Variants in CACNA2D4 observed in about 807,000 individuals in gnomAD.
The protein encoded by CACNA2D4 is calcium voltage-gated channel auxiliary subunit alpha2delta 4, also known as voltage-dependent calcium channel subunit alpha-2/delta-4.
A neutral mutation model predicts 163.8 loss-of-function variants in CACNA2D4; 157 were observed. The ratio of observed to expected loss-of-function variants is 0.96; its 90% CI spans 0.84 to 1.09. CACNA2D4 has a LOEUF of 1.09. CACNA2D4 is among the 50% of genes least tolerant of loss of function. CACNA2D4 has a pLI of 0.00. For synonymous variants in CACNA2D4, 598 were observed against 586.9 expected, an observed-to-expected ratio of 1.02 and a Z score of -0.27; for missense variants, 1,410 against 1,479.9, an observed-to-expected ratio of 0.95 and a Z score of 0.78.
At chr12:1,847,145 A>ACACCCACCCCACTGCG in intron 23 of CACNA2D4, among the ~76,000 whole-genome samples, 1 of 152,274 alleles carries the variant, frequency 6.6e-6, no homozygotes, top group Non-Finnish European at 1.5e-5. Flanking sequence ...CAGGCACTGC[A>ACACCCACCCCACTGCG]TACACCCACC....
chr12:1,907,703 G>A (rs1592749216), intron 5 of CACNA2D4, 132 bp from the exon 6 acceptor site: 1 of 1,170,474 alleles, frequency 8.5e-7, no homozygotes, highest in African/African-American at 1.5e-5. Flanking sequence ...TGTGCCTGGT[G>A]GGCGTGTCTG....
intron 26 of CACNA2D4, chr12:1,830,872 G>C: frequency 1.5e-6 from 2 of 1,351,922 alleles, no homozygotes; most frequent in East Asian, 2.5e-5. Context: ...AAGGAGGGAA[G>C]AGAAGCAGGA....
At chr12:1,907,760 G>A in intron 5 of CACNA2D4, 115 bp downstream of exon 5, 1 of 1,351,202 alleles carries the variant, frequency 7.4e-7, no homozygotes, top group African/African-American at 1.4e-5. Context: ...TGGTGGGTGT[G>A]TCTGGTGGGC....
intron 26 of CACNA2D4, among the ~76,000 whole-genome samples, chr12:1,818,245 C>A (rs914344600): frequency 6.6e-6 from 1 of 151,664 alleles, no homozygotes; most frequent in Non-Finnish European, 1.5e-5. Flanking sequence ...CCCCTCTGCC[C>A]GGCCACCACC....
chr12:1,795,580 C>G (rs1863094797), intron 36 of CACNA2D4, 88 bp downstream of exon 36: 2 of 1,011,186 alleles, frequency 2.0e-6, no homozygotes, highest in Middle Eastern at 3.0e-4. Flanking sequence ...GTGAAGGAGG[C>G]TGGCCCCGCT....
intron 26 of CACNA2D4, among the ~76,000 whole-genome samples, chr12:1,824,869 C>A (rs1384080992): frequency 6.6e-6 from 1 of 152,168 alleles, no homozygotes; most frequent in Non-Finnish European, 1.5e-5. Flanking sequence ...TGGTGCCACA[C>A]ACATATGACT....
chr12:1,880,029 G>A (rs2154449484), intron 13 of CACNA2D4, 148 bp from the exon 14 acceptor site: 3 of 584,382 alleles, frequency 5.1e-6, no homozygotes, highest in Middle Eastern at 4.7e-4. Flanking sequence ...TCCCAAATGA[G>A]GATTCCCTTC....
At chr12:1,864,783 A>ACACG (rs1192730954) in intron 18 of CACNA2D4, among the ~76,000 whole-genome samples, 1 of 152,236 alleles carries the variant, frequency 6.6e-6, no homozygotes, top group African/African-American at 2.4e-5. Flanking sequence ...CGTGCCGCGG[A>ACACG]CACGCTCCGC....
chr12:1,858,892 GC>G (rs1367489733), intron 19 of CACNA2D4, among the ~76,000 whole-genome samples: 2 of 152,092 alleles, frequency 1.3e-5, no homozygotes, highest in African/African-American at 4.8e-5. Context: ...TAGACCAAGA[GC>G]CCTCTCAGCT....
At chr12:1,870,616 C>A (rs562425221) in intron 18 of CACNA2D4, among the ~76,000 whole-genome samples, 13 of 151,838 alleles carry the variant, frequency 8.6e-5, no homozygotes, top group Admixed American at 3.3e-4. Context: ...AGTGCCTTTC[C>A]GTTTTTGTTT....
chr12:1,916,515 C>A (rs1389866480), intron 1 of CACNA2D4, among the ~76,000 whole-genome samples: 1 of 152,110 alleles, frequency 6.6e-6, no homozygotes, highest in African/African-American at 2.4e-5. Context: ...GAGTGTGCAG[C>A]GTGAGATCTC....
At chr12:1,839,057 G>T (rs1360984829) in intron 26 of CACNA2D4, among the ~76,000 whole-genome samples, 1 of 152,198 alleles carries the variant, frequency 6.6e-6, no homozygotes, top group Non-Finnish European at 1.5e-5. Flanking sequence ...GCTTATCCCA[G>T]AGTGGCACAC....
At chr12:1,825,445 T>A (rs550202112) in intron 26 of CACNA2D4, among the ~76,000 whole-genome samples, 1 of 152,324 alleles carries the variant, frequency 6.6e-6, no homozygotes, top group East Asian at 1.9e-4. Flanking sequence ...GGTTAGGGAC[T>A]GCTCTGCAGG....
intron 34 of CACNA2D4, 110 bp from the exon 35 acceptor site, chr12:1,797,645 C>G (rs1486879783): frequency 1.2e-6 from 1 of 821,300 alleles, no homozygotes; most frequent in African/African-American, 1.7e-5. Flanking sequence ...GCAGAGGGTC[C>G]CTCCTCAGGC....
At chr12:1,877,810 A>G (rs1865912682) in intron 16 of CACNA2D4, among the ~76,000 whole-genome samples, 1 of 152,162 alleles carries the variant, frequency 6.6e-6, no homozygotes, top group African/African-American at 2.4e-5. Flanking sequence ...TTCAGATAAG[A>G]CAATGCAACT....
chr12:1,853,323 G>T (rs1310097485), intron 23 of CACNA2D4, among the ~76,000 whole-genome samples: 5 of 152,138 alleles, frequency 3.3e-5, no homozygotes, highest in Non-Finnish European at 7.4e-5. Context: ...ATAAAATTCT[G>T]TAGGTGTTTT....
intron 18 of CACNA2D4, among the ~76,000 whole-genome samples, chr12:1,865,369 A>G (rs887932575): frequency 1.3e-5 from 2 of 152,210 alleles, no homozygotes; most frequent in Admixed American, 6.5e-5. Context: ...AGTTGTAAAC[A>G]AAACTCATGA....
In CACNA2D4 at chr12:1,801,118, TC is replaced by T; in HGVS notation, c.2793-1del. 6.2e-7 allele frequency: 1 copy of T among 1,613,744 alleles called. No homozygotes were observed. On this transcript the variant is annotated splice_acceptor_variant, in intron 30 of 37. Transcript: ENST00000382722. LOFTEE classifies it high-confidence loss of function. ...TGGCCTGATAGTCATACATAGTCAC[TC>T]TGAAAATCAGAAGCGGGCTGTGATG... is the stretch of plus-strand genomic sequence containing the variant.
At chr12:1,813,941 G>A (rs1455973556) in intron 26 of CACNA2D4, among the ~76,000 whole-genome samples, 1 of 152,032 alleles carries the variant, frequency 6.6e-6, no homozygotes, top group South Asian at 2.1e-4. Flanking sequence ...GGGACCCCTC[G>A]GTCTCTTCTC....
Sources: gnomAD v4.1 joint callset for allele counts (sites outside exome capture counted in the v4.1 genomes callset) on GRCh38, gnomAD v4.1.1 for gene constraint, MANE v1.5 for transcripts, NCBI Gene and HGNC (gene_info 2026-07-23, HGNC 2026-07-21) for gene names.